The following PVT1 variants were observed in gnomAD, a reference collection of about 807,000 sequenced individuals.
PVT1 encodes the protein Pvt1 oncogene.
intron 2 of PVT1, among the ~76,000 whole-genome samples, chr8:127,856,304 G>A (rs1307682654): frequency 6.6e-6 from 1 of 152,054 alleles, no homozygotes; most frequent in Non-Finnish European, 1.5e-5. Flanking sequence ...CTGCGTGGCA[G>A]GCCTAGGACT....
At chr8:127,811,695 T>C (rs1814596478) in intron 2 of PVT1, among the ~76,000 whole-genome samples, 1 of 152,254 alleles carries the variant, frequency 6.6e-6, no homozygotes, top group Admixed American at 6.5e-5. Context: ...TCTGTTCTTT[T>C]CCTTTTTCCT....
intron 5 of PVT1, among the ~76,000 whole-genome samples, chr8:128,088,262 T>G (rs1814283808): frequency 1.3e-5 from 2 of 152,122 alleles, no homozygotes; most frequent in Admixed American, 6.5e-5. Flanking sequence ...TAAGCATGGA[T>G]CTCGTGAAAG....
chr8:127,823,457 G>A (rs1378588886), intron 2 of PVT1, among the ~76,000 whole-genome samples: 1 of 152,152 alleles, frequency 6.6e-6, no homozygotes, highest in African/African-American at 2.4e-5. Flanking sequence ...AAATGGGTAA[G>A]GCTTTTATGG....
intron 4 of PVT1, among the ~76,000 whole-genome samples, chr8:128,008,114 T>A (rs1255471671): frequency 6.6e-6 from 1 of 152,254 alleles, no homozygotes; most frequent in African/African-American, 2.4e-5. Context: ...TTTACCTCTT[T>A]AAGGAGCAGT....
chr8:127,999,101 T>C (rs1817144382), intron 4 of PVT1: 1 of 151,882 alleles, frequency 6.6e-6, no homozygotes, highest in South Asian at 2.1e-4. Flanking sequence ...GTAGGGAGGA[T>C]GGGGAGAACA....
intron 4 of PVT1, among the ~76,000 whole-genome samples, chr8:128,018,621 G>T (rs79600542): frequency 5.3e-5 from 8 of 152,302 alleles, no homozygotes; most frequent in Non-Finnish European, 1.0e-4. Flanking sequence ...GGTCAAACAG[G>T]GGGTGTATTC....
At chr8:127,954,949 G>A (rs1018370275) in intron 3 of PVT1, among the ~76,000 whole-genome samples, 9 of 152,156 alleles carry the variant, frequency 5.9e-5, no homozygotes, top group African/African-American at 2.2e-4. Context: ...ATGTTTGGGA[G>A]TTTATCCTGT....
chr8:127,894,307 T>G (rs970750839), intron 3 of PVT1, among the ~76,000 whole-genome samples: 4 of 152,204 alleles, frequency 2.6e-5, no homozygotes, highest in Non-Finnish European at 5.9e-5. Context: ...CCAGGGGTTC[T>G]TCGGTGAACA....
chr8:127,841,106 A>G (rs1225668306), intron 2 of PVT1, among the ~76,000 whole-genome samples: 1 of 152,172 alleles, frequency 6.6e-6, no homozygotes, highest in Non-Finnish European at 1.5e-5. Context: ...AAAATGGGGA[A>G]AGTATACATC....
At chr8:128,006,805 G>C (rs570208175) in intron 4 of PVT1, among the ~76,000 whole-genome samples, 63 of 152,220 alleles carry the variant, frequency 4.1e-4, no homozygotes, top group African/African-American at 1.5e-3. Context: ...AATACATTTT[G>C]TGCTCAGATT....
chr8:127,903,805 C>G (rs866838492), intron 3 of PVT1, among the ~76,000 whole-genome samples: 2 of 152,138 alleles, frequency 1.3e-5, no homozygotes, highest in African/African-American at 4.8e-5. Flanking sequence ...TGCACCAGTA[C>G]CATGCTGTTT....
In PVT1 at chr8:127,817,530, T is replaced by TAG. The variant is rs1563613254; in HGVS notation, n.372+21460_372+21461insGA. Among the ~76,000 whole-genome samples, 139 of 14,960 alleles carry TAG rather than the reference T, an allele frequency of 9.3e-3. 2 individuals are homozygous for TAG. Among genetic ancestry groups the TAG allele is most frequent in the Middle Eastern group, 0.1 (1 of 10 alleles). 9.8% of individuals were successfully genotyped at this position (14,960 alleles called of 152,430 possible). On this transcript the variant is annotated intron_variant and non_coding_transcript_variant, in intron 2 of 10. Transcript: ENST00000651587. ...ATTTAAATAGATATATCTATTTAAA[T>TAG]ATATATATATATATATACACACACA...
chr8:127,796,574 C>T (rs78848645), intron 2 of PVT1, among the ~76,000 whole-genome samples: 1 of 152,274 alleles, frequency 6.6e-6, no homozygotes, highest in Non-Finnish European at 1.5e-5. Context: ...CCAAGATGGA[C>T]ACGTTTCTCT....
intron 4 of PVT1, among the ~76,000 whole-genome samples, chr8:128,046,871 G>A (rs76609007): frequency 0.02 from 3,040 of 152,194 alleles, 97 homozygotes; most frequent in African/African-American, 0.068. Context: ...CTCTAATCAC[G>A]TAGATTACAG....
At chr8:128,043,748 A>T (rs577490301) in intron 4 of PVT1, among the ~76,000 whole-genome samples, 1 of 146,728 alleles carries the variant, frequency 6.8e-6, no homozygotes, top group African/African-American at 2.7e-5. Flanking sequence ...ACTGCTATAT[A>T]GTATTATTTT....
At chr8:127,982,362 T>C (rs1004809986) in intron 3 of PVT1, among the ~76,000 whole-genome samples, 12 of 152,168 alleles carry the variant, frequency 7.9e-5, no homozygotes, top group Admixed American at 3.3e-4. Flanking sequence ...CATTCTAGTC[T>C]CTTCACCCTC....
intron 4 of PVT1, among the ~76,000 whole-genome samples, chr8:127,992,367 A>C (rs958188708): frequency 2.0e-5 from 3 of 152,244 alleles, no homozygotes; most frequent in African/African-American, 7.2e-5. Context: ...CCTGGGCAAC[A>C]GAGCAAGACT....
intron 2 of PVT1, among the ~76,000 whole-genome samples, chr8:127,881,459 T>C (rs1815466656): frequency 6.8e-6 from 1 of 147,716 alleles, no homozygotes; most frequent in Admixed American, 6.8e-5. Context: ...ATTATTATTA[T>C]TATTATTTCA....
intron 2 of PVT1, among the ~76,000 whole-genome samples, chr8:127,839,698 AG>A: frequency 6.6e-6 from 1 of 152,156 alleles, no homozygotes; most frequent in Non-Finnish European, 1.5e-5. Context: ...TGCATCAGTC[AG>A]GGTCTAATGG....
Sources: gnomAD v4.1 joint callset for allele counts (sites outside exome capture counted in the v4.1 genomes callset) on GRCh38, gnomAD v4.1.1 for gene constraint, MANE v1.5 for transcripts, NCBI Gene and HGNC (gene_info 2026-07-23, HGNC 2026-07-21) for gene names.